KIF13A: variants seen among roughly 807,000 people sequenced by gnomAD.
The protein encoded by KIF13A is kinesin family member 13A, also known as kinesin-like protein KIF13A.
KIF13A carries 79 observed loss-of-function variants against 212.2 expected under a neutral mutation model. That is an observed-to-expected ratio of 0.37 (90% confidence interval 0.31 to 0.45). The LOEUF (loss-of-function observed/expected upper bound fraction) is 0.45. Among genes scored for constraint, KIF13A ranks in the 20% least tolerant of loss-of-function variants. The probability of loss-of-function intolerance (pLI) is 1.00; values close to 1 mark genes in which losing one functional copy is unlikely to be tolerated. For missense variants in KIF13A, 1,901 were observed against 2,209.0 expected (o/e 0.86, Z 2.79); for synonymous variants, 789 against 808.6 (o/e 0.98, Z 0.41).
At position 17,807,086 on chromosome 6, in the gene KIF13A, T is replaced by C. The variant is rs144388556; in HGVS notation, c.2164-1471A>G. Among the ~76,000 whole-genome samples the C allele has an allele frequency of 6.7e-3, 1,025 of 152,344 alleles. 10 individuals carry two copies. The highest frequency in any genetic ancestry group is 0.023 in the African/African-American group (969 of 41,570). ...GATGTACGTCATCTCAGGACCACTG[T>C]GATAACTGTGTTAACTATACAAATT... is the stretch of plus-strand genomic sequence containing the variant. On this transcript the variant is annotated intron_variant, in intron 18 of 38. Transcript: ENST00000259711.
In KIF13A at chr6:17,787,712, G is replaced by A. The variant is rs1254410631; in HGVS notation, c.3361+64C>T. 2.1e-5 allele frequency: 19 copies of A among 917,292 alleles called. No homozygotes were observed. The highest frequency in any genetic ancestry group is 3.1e-5 in the Non-Finnish European group (17 of 552,346). 56.8% of individuals were successfully genotyped at this position (917,292 alleles called of 1,614,324 possible). ...TACTGTCCAGTTAGGGGAAGAAAAC[G>A]ACCTACTGCCATTGTGTAAAAGTGA... On this transcript the variant is annotated intron_variant, in intron 27 of 38. Coordinates refer to ENST00000259711, the MANE Select transcript of KIF13A (RefSeq NM_022113.6). The surrounding 1 kb of genome is among the most constrained non-coding windows in gnomAD (Gnocchi z 4.6).
chr6:17,801,044 T>G (rs1018342602), intron 20 of KIF13A, among the ~76,000 whole-genome samples: 1 of 152,066 alleles, frequency 6.6e-6, no homozygotes, highest in Admixed American at 6.5e-5. Context: ...CCATGTTTTT[T>G]AAAATATATT....
At chr6:17,950,276 TA>T (rs147870689) in intron 2 of KIF13A, 26,792 of 395,160 alleles carry the variant, frequency 0.068, 999 homozygotes, top group Middle Eastern at 0.097. Context: ...CATATATAAG[TA>T]AAAGAAGAGC....
Position 17,951,431 on chromosome 6 carries a change from T to C in KIF13A, c.146+35623A>G. On this transcript the variant is annotated intron_variant, in intron 2 of 38. Coordinates refer to ENST00000259711, the MANE Select transcript of KIF13A (RefSeq NM_022113.6). This position sits in a 1 kb window ranked among gnomAD's most constrained non-coding sequence, Gnocchi z 4.9. ...GAGATGTGAGCCACTGTGACCAGCC[T>C]CAATTTAAAAAAAAAAAAAAAACAG... 1.9e-6 allele frequency: 1 copy of C among 533,582 alleles called. No homozygotes were observed. Among genetic ancestry groups the C allele is most frequent in the South Asian group, 2.5e-5 (1 of 40,218 alleles). The allele number at this position is 533,582 out of a possible 1,614,324, so 33.1% of individuals were successfully genotyped here.
intron 2 of KIF13A, among the ~76,000 whole-genome samples, chr6:17,941,667 T>C (rs1240792348): frequency 2.0e-5 from 3 of 151,818 alleles, no homozygotes; most frequent in Non-Finnish European, 4.4e-5. Flanking sequence ...CACACCTTGA[T>C]CTCGGACTTC....
rs938436339 is a variant in KIF13A at position 17,949,225 on chromosome 6, A to C, written c.146+37829T>G. 4.1e-4 allele frequency among the ~76,000 whole-genome samples: 63 copies of C among 152,240 alleles called. 1 individual carries two copies. Among genetic ancestry groups the C allele is most frequent in the Non-Finnish European group, 1.2e-4 (8 of 68,046 alleles). On this transcript the variant is annotated intron_variant, in intron 2 of 38. Coordinates refer to ENST00000259711, the MANE Select transcript of KIF13A (RefSeq NM_022113.6). ...TTATCGTGCCCTGGTTTGTCAAAAT[A>C]AATCTTTTAGGAAAAAGTCGCCAGA... is the stretch of plus-strand genomic sequence containing the variant.
Position 17,982,063 on chromosome 6 carries a change from T to C in KIF13A, c.146+4991A>G, listed in dbSNP as rs1195598936. Among the ~76,000 whole-genome samples the C allele has an allele frequency of 6.6e-6, 1 of 152,012 alleles. No individual in the cohort carries two copies. Among genetic ancestry groups the C allele is most frequent in the East Asian group, 1.9e-4 (1 of 5,188 alleles). ...TTGGATTTTGAATTTTTCTTGAATTTGGAATATATGCATTATATACTTACC... is the reference window on the plus strand; with the variant it reads ...TTGGATTTTGAATTTTTCTTGAATTCGGAATATATGCATTATATACTTACC... On this transcript the variant is annotated intron_variant, in intron 2 of 38. Transcript: ENST00000259711. The surrounding 1 kb of genome is among the most constrained non-coding windows in gnomAD (Gnocchi z 5.1).
In KIF13A at chr6:17,794,969, C is replaced by A; in HGVS notation, c.2943-265G>T. The A allele has an allele frequency of 2.8e-6, 1 of 353,136 alleles. No homozygotes were observed. The highest frequency in any genetic ancestry group is 7.3e-5 in the South Asian group (1 of 13,782). 21.9% of individuals were successfully genotyped at this position (353,136 alleles called of 1,614,324 possible). On this transcript the variant is annotated intron_variant, in intron 23 of 38. Transcript: ENST00000259711. The surrounding 1 kb of genome is among the most constrained non-coding windows in gnomAD (Gnocchi z 4.1). ...AAATGCACATATGAGTGTAACCTGC[C>A]CTATCACCTCAGAAAGTTTGCTCAT...
At chr6:17,932,611 C>G (rs1776088301) in intron 2 of KIF13A, among the ~76,000 whole-genome samples, 1 of 152,104 alleles carries the variant, frequency 6.6e-6, no homozygotes, top group South Asian at 2.1e-4. Flanking sequence ...TCTGACCCAC[C>G]AATCTGACAC....
chr6:17,910,706 G>A (rs1312436960), intron 2 of KIF13A, among the ~76,000 whole-genome samples: 1 of 152,216 alleles, frequency 6.6e-6, no homozygotes. Flanking sequence ...GTCAGTAACA[G>A]CAAAGTCTTA....
chr6:17,964,517 C>G (rs1362072508), intron 2 of KIF13A, among the ~76,000 whole-genome samples: 2 of 151,896 alleles, frequency 1.3e-5, no homozygotes, highest in African/African-American at 4.8e-5. Flanking sequence ...ATAAGTAAAT[C>G]AAATTTATAA....
intron 17 of KIF13A, among the ~76,000 whole-genome samples, chr6:17,813,607 C>T (rs1011362876): frequency 3.9e-5 from 6 of 152,186 alleles, no homozygotes; most frequent in Non-Finnish European, 8.8e-5. Flanking sequence ...TTAACATTAA[C>T]AAGTGCGTGA....
chr6:17,828,388 AG>A lies in KIF13A; in HGVS notation c.1402-19del. 1 of 1,599,592 alleles carries A rather than the reference AG, an allele frequency of 6.3e-7. No individual in the cohort carries two copies. Among genetic ancestry groups the A allele is most frequent in the Non-Finnish European group, 8.5e-7 (1 of 1,174,554 alleles). The stretch of plus-strand genomic sequence containing the variant: ...GTGTGATCCTAGTAAAAGATTATTA[AG>A]GAAAGAAAAACCCACATTTATGAGT... On this transcript the variant is annotated intron_variant, in intron 13 of 38. Transcript: ENST00000259711. The surrounding 1 kb of genome is among the most constrained non-coding windows in gnomAD (Gnocchi z 4.3).
At chr6:17,861,199 GA>G (rs1248096476) in intron 4 of KIF13A, among the ~76,000 whole-genome samples, 2 of 152,048 alleles carry the variant, frequency 1.3e-5, no homozygotes, top group Admixed American at 1.3e-4. Flanking sequence ...CTACGTTTCT[GA>G]AAAAATTTTT....
rs1315989976 is a variant in KIF13A at position 17,777,965 on chromosome 6, T to A, written c.4093-611A>T. Among the ~76,000 whole-genome samples the A allele has an allele frequency of 6.6e-6, 1 of 151,942 alleles. No individual in the cohort carries two copies. The highest frequency in any genetic ancestry group is 1.9e-4 in the East Asian group (1 of 5,166). On this transcript the variant is annotated intron_variant, in intron 33 of 38. Transcript: ENST00000259711. The surrounding 1 kb of genome is among the most constrained non-coding windows in gnomAD (Gnocchi z 4.4). ...CCAGCTGGCCAACATGGTAAAACCCTGTTTCTACTAAAAAATACAAAAATT... is the reference window on the plus strand; with the variant it reads ...CCAGCTGGCCAACATGGTAAAACCCAGTTTCTACTAAAAAATACAAAAATT...
Position 17,825,887 on chromosome 6 carries a change from T to C in KIF13A, c.1667A>G (p.Glu556Gly), listed in dbSNP as rs763904226. ...ATGCTCTGGCGGGCCCGTTTCTTTT[T>C]CAAAGTCTTTCAACCAATCTCGACG... is the stretch of plus-strand genomic sequence containing the variant. ...RKRRDWLKDF[E>G]KETGPPEHDL... is the part of the protein sequence containing the mutation. The change falls in exon 16 of 39, where the codon GAA becomes GGA. Residue 556 changes from glutamate (E) to glycine (G), a missense_variant. Physicochemically the swap from Glu to Gly is moderately conservative, Grantham distance 98 (BLOSUM62 -2). Around this residue, in one of 5 missense-constraint regions of KIF13A, gnomAD observed 534 missense variants for 536.9 expected, o/e 0.99. Coordinates refer to ENST00000259711, the MANE Select transcript of KIF13A (RefSeq NM_022113.6). This position sits in a 1 kb window ranked among gnomAD's most constrained non-coding sequence, Gnocchi z 4.5. 11 of 1,614,054 alleles carry C rather than the reference T, an allele frequency of 6.8e-6. No homozygotes were observed. Among genetic ancestry groups the C allele is most frequent in the South Asian group, 6.6e-5 (6 of 91,086 alleles).
intron 7 of KIF13A, among the ~76,000 whole-genome samples, chr6:17,851,421 G>A (rs1247541487): frequency 1.3e-5 from 2 of 152,200 alleles, no homozygotes; most frequent in African/African-American, 4.8e-5. Flanking sequence ...ATAGCAGTTT[G>A]TGTTATGAGA....
chr6:17,785,002 G>A lies in KIF13A; in HGVS notation c.3488+513C>T, dbSNP rs1760926374. ...GAATCTGATTTCTCTTAAATGCCCT[G>A]GATATGTTATAATAAAAATGAGAAT... On this transcript the variant is annotated intron_variant, in intron 28 of 38. Coordinates refer to ENST00000259711, the MANE Select transcript of KIF13A (RefSeq NM_022113.6). The surrounding 1 kb of genome is among the most constrained non-coding windows in gnomAD (Gnocchi z 5.8). 6.6e-6 allele frequency among the ~76,000 whole-genome samples: 1 copy of A among 152,030 alleles called. No individual in the cohort carries two copies. Among genetic ancestry groups the A allele is most frequent in the Non-Finnish European group, 1.5e-5 (1 of 68,018 alleles).
chr6:17,952,229 G>A (rs1264437508), intron 2 of KIF13A, among the ~76,000 whole-genome samples: 2 of 151,118 alleles, frequency 1.3e-5, no homozygotes, highest in Non-Finnish European at 1.5e-5. Flanking sequence ...GCATGAACCC[G>A]GAAGGCAGAG....
Sources: allele counts gnomAD v4.1 joint callset (sites outside exome capture counted in the v4.1 genomes callset), GRCh38; gene constraint gnomAD v4.1.1; regional missense constraint gnomAD v4.1.1; non-coding constraint Gnocchi (gnomAD v3.1); transcripts MANE v1.5; gene names NCBI Gene and HGNC (gene_info 2026-07-23, HGNC 2026-07-21).